PCLO: variants seen among roughly 807,000 people sequenced by gnomAD.
PCLO encodes the protein piccolo presynaptic cytomatrix protein, also known as protein piccolo.
In PCLO, 82 loss-of-function variants were observed where a neutral mutation model predicts 427.5. The ratio of observed to expected loss-of-function variants is 0.19; its 90% CI spans 0.16 to 0.23. PCLO has a LOEUF of 0.23. PCLO is among the 10% of genes least tolerant of loss of function. PCLO has a pLI of 1.00. For synonymous variants in PCLO, 2,357 were observed against 2,155.4 expected (o/e 1.09, Z -2.59); for missense variants, 6,239 against 6,115.9 (o/e 1.02, Z -0.67).
Position 82,758,388 on chromosome 7 carries a change from C to T in PCLO, c.*187G>A. 1 of 477,424 alleles carries T rather than the reference C, an allele frequency of 2.1e-6. No homozygotes were observed. Among genetic ancestry groups the T allele is most frequent in the Non-Finnish European group, 3.7e-6 (1 of 271,192 alleles). 29.6% of individuals were successfully genotyped at this position (477,424 alleles called of 1,614,324 possible). On this transcript the variant is annotated 3_prime_UTR_variant, in exon 25 of 25. Transcript: ENST00000333891. ...ATTCTTCTTGTTTTCAGTATGTGAA[C>T]TTTTTCAGTTGAATATCTTTGTGTG... is the stretch of plus-strand genomic sequence containing the variant.
At chr7:83,087,649 T>G (rs1790272410) in intron 3 of PCLO, among the ~76,000 whole-genome samples, 1 of 152,156 alleles carries the variant, frequency 6.6e-6, no homozygotes, top group South Asian at 2.1e-4. Flanking sequence ...ATATCTTTTG[T>G]AATTTTTTTC....
intron 22 of PCLO, among the ~76,000 whole-genome samples, chr7:82,764,339 T>C (rs1049145155): frequency 1.1e-4 from 16 of 151,800 alleles, no homozygotes; most frequent in East Asian, 7.7e-4. Context: ...GCTTTCTTAA[T>C]TCCAAAAGAA....
chr7:82,822,805 G>T, intron 19 of PCLO, 116 bp from the exon 20 acceptor site: 1 of 837,896 alleles, frequency 1.2e-6, no homozygotes, highest in Non-Finnish European at 1.9e-6. Context: ...AGTCTTATAT[G>T]ATTCATTTAT....
intron 22 of PCLO, among the ~76,000 whole-genome samples, chr7:82,783,852 CT>C (rs1444218970): frequency 4.0e-5 from 6 of 151,682 alleles, no homozygotes; most frequent in African/African-American, 1.2e-4. Flanking sequence ...TCTCTTACCC[CT>C]GAAGTAATCA....
rs561979692 is a variant in PCLO, at chr7:82,992,644, C to T, written c.3301-26157G>A. On this transcript the variant is annotated intron_variant, in intron 3 of 24. Transcript: ENST00000333891. ...CATTAGGACAAATATCTAATGCATG[C>T]GGGGCTTAAAACCTAGATGACGGGT... Among the ~76,000 whole-genome samples, 8 of 151,932 alleles carry T rather than the reference C, an allele frequency of 5.3e-5. No individual in the cohort carries two copies. The South Asian group carries it at 1.5e-3, about 28-fold the overall frequency.
chr7:83,156,293 T>C lies in PCLO; in HGVS notation c.348A>G (p.Thr116=), dbSNP rs565174881. The change falls in exon 2 of 25, where the codon ACA becomes ACG. Residue 116 remains threonine (T), a synonymous_variant. Coordinates refer to ENST00000333891, the MANE Select transcript of PCLO (RefSeq NM_033026.6). ...ATTTCTGCTCTGACCTGAAAGTGTC[T>C]GTAGTTCTACTTTTACTGAGACCAG... ...AQPGLSKSRT[T]DTFRSEQKLP... 8 of 1,613,634 alleles carry C rather than the reference T, an allele frequency of 5.0e-6. No homozygotes were observed. In the East Asian group the frequency reaches 1.8e-4, roughly 36 times the overall value.
chr7:82,844,002 G>T, intron 13 of PCLO, among the ~76,000 whole-genome samples: 1 of 151,968 alleles, frequency 6.6e-6, no homozygotes, highest in East Asian at 1.9e-4. Flanking sequence ...ATGCTGTACA[G>T]TATAAACATA....
chr7:82,764,142 T>C (rs1790485184), intron 22 of PCLO, among the ~76,000 whole-genome samples: 2 of 151,852 alleles, frequency 1.3e-5, no homozygotes, highest in African/African-American at 4.8e-5. Flanking sequence ...TAAAAATTAA[T>C]GAATAAAGAA....
chr7:83,002,205 T>G (rs984030336), intron 3 of PCLO, among the ~76,000 whole-genome samples: 6 of 151,922 alleles, frequency 3.9e-5, no homozygotes, highest in East Asian at 1.9e-4. Context: ...CATTCTATTA[T>G]CTATATTCCT....
At chr7:83,013,365 C>T (rs937113875) in intron 3 of PCLO, among the ~76,000 whole-genome samples, 8 of 152,110 alleles carry the variant, frequency 5.3e-5, no homozygotes, top group African/African-American at 1.2e-4. Context: ...ATTATATATG[C>T]CTTCTCGTAT....
intron 10 of PCLO, among the ~76,000 whole-genome samples, chr7:82,851,948 T>A (rs909063532): frequency 6.6e-6 from 1 of 152,268 alleles, no homozygotes; most frequent in Admixed American, 6.5e-5. Context: ...TTTTATTTTT[T>A]AAATTTATAT....
At chr7:83,082,542 G>C (rs1314252314) in intron 3 of PCLO, among the ~76,000 whole-genome samples, 2 of 151,654 alleles carry the variant, frequency 1.3e-5, no homozygotes, top group Non-Finnish European at 3.0e-5. Context: ...TTAATGGGTA[G>C]AAAATAGAGT....
At chr7:83,040,079 T>C (rs1035406895) in intron 3 of PCLO, among the ~76,000 whole-genome samples, 6 of 152,298 alleles carry the variant, frequency 3.9e-5, no homozygotes, top group Non-Finnish European at 8.8e-5. Flanking sequence ...TTAGGATTTT[T>C]CTATATATAA....
At chr7:83,103,362 C>T (rs1790781100) in intron 3 of PCLO, among the ~76,000 whole-genome samples, 1 of 151,870 alleles carries the variant, frequency 6.6e-6, no homozygotes, top group Admixed American at 6.6e-5. Context: ...GGGTAAAGTG[C>T]TTACAACAGT....
Position 82,954,436 on chromosome 7 carries a change from CA to C in PCLO, c.6516del (p.Ser2172ArgfsTer35). On this transcript the variant is annotated frameshift_variant, in exon 5 of 25. Coordinates refer to ENST00000333891, the MANE Select transcript of PCLO (RefSeq NM_033026.6). LOFTEE classifies it high-confidence loss of function. Reference sequence around the variant, plus strand: ...GTGTCAGAGGGTGGGACAGATGTAGCACTTTCTGAAGGCTCCGAGTAGGTCA... The same window carrying C: ...GTGTCAGAGGGTGGGACAGATGTAGCCTTTCTGAAGGCTCCGAGTAGGTCA... ...LILTYSEPSE[S>X]ATSVPPSDTP... 1 of 1,613,942 alleles carries C rather than the reference CA, an allele frequency of 6.2e-7. No individual in the cohort carries two copies. Among genetic ancestry groups the C allele is most frequent in the Non-Finnish European group, 8.5e-7 (1 of 1,179,834 alleles).
rs775619276 is a variant in PCLO at position 82,942,598 on chromosome 7, T to C, written c.11112+6878A>G. Among the ~76,000 whole-genome samples, 24 of 152,292 alleles carry C rather than the reference T, an allele frequency of 1.6e-4. 1 individual carries two copies. Among genetic ancestry groups the C allele is most frequent in the Middle Eastern group, 3.4e-3 (1 of 292 alleles). On this transcript the variant is annotated intron_variant, in intron 6 of 24. Coordinates refer to ENST00000333891, the MANE Select transcript of PCLO (RefSeq NM_033026.6). ...TTAAAAACTTTCTGGTTTTGACTCA[T>C]TGACATTTGTATATCTGTGTACATT...
At position 82,794,459 on chromosome 7, in the gene PCLO, C is replaced by CTGTTTTTTTTTTTTTTTTTTTTT. The variant is rs1554333552; in HGVS notation, c.15007+7058_15007+7059insAAAAAAAAAAAAAAAAAAAAACA. 1.1e-3 allele frequency among the ~76,000 whole-genome samples: 61 copies of CTGTTTTTTTTTTTTTTTTTTTTT among 56,374 alleles called. 13 individuals carry two copies. The highest frequency in any genetic ancestry group is 1.2e-3 in the Non-Finnish European group (30 of 24,450). 37.0% of individuals were successfully genotyped at this position (56,374 alleles called of 152,430 possible). Reference sequence around the variant, plus strand: ...ACATGCTAGTTCATAAATTTTTTTTCTTTTTTTTTTTTTTTTTTTTTTTTT... The same window carrying CTGTTTTTTTTTTTTTTTTTTTTT: ...ACATGCTAGTTCATAAATTTTTTTTCTGTTTTTTTTTTTTTTTTTTTTTTTTTTTTTTTTTTTTTTTTTTTTTT... On this transcript the variant is annotated intron_variant, in intron 22 of 24. Transcript: ENST00000333891.
chr7:82,919,200 A>G (rs1444061292), intron 6 of PCLO, among the ~76,000 whole-genome samples: 5 of 152,002 alleles, frequency 3.3e-5, no homozygotes, highest in African/African-American at 9.7e-5. Flanking sequence ...ACAAACCTGC[A>G]CATTCTGCAC....
rs529260371 is a variant in PCLO at position 82,925,260 on chromosome 7, T to C, written c.11113-8387A>G. On this transcript the variant is annotated intron_variant, in intron 6 of 24. Coordinates refer to ENST00000333891, the MANE Select transcript of PCLO (RefSeq NM_033026.6). ...AGTGAAATATGCAGGGTATTTTTTT[T>C]TCTCTCCAAACAAGAGGTCTTTAAA... Among the ~76,000 whole-genome samples the C allele has an allele frequency of 6.6e-5, 10 of 152,270 alleles. 1 individual carries two copies. The highest frequency in any genetic ancestry group is 2.2e-4 in the African/African-American group (9 of 41,562).
Sources: allele counts gnomAD v4.1 joint callset (sites outside exome capture counted in the v4.1 genomes callset), GRCh38; gene constraint gnomAD v4.1.1; transcripts MANE v1.5; gene names NCBI Gene and HGNC (gene_info 2026-07-23, HGNC 2026-07-21).